The following CACNA1B variants were observed in gnomAD, a reference collection of about 807,000 sequenced individuals.
CACNA1B encodes the protein calcium voltage-gated channel subunit alpha1 B.
A neutral mutation model predicts 247.2 loss-of-function variants in CACNA1B; 70 were observed. The ratio of observed to expected loss-of-function variants is 0.28; its 90% CI spans 0.23 to 0.35. CACNA1B has a LOEUF of 0.35. CACNA1B is among the 10% of genes least tolerant of loss of function. The pLI is 1.00. For missense variants in CACNA1B, 2,367 were observed against 3,197.4 expected, an observed-to-expected ratio of 0.74 and a Z score of 6.26; for synonymous variants, 1,231 against 1,294.4, an observed-to-expected ratio of 0.95 and a Z score of 1.05.
At chr9:137,906,827 C>T (rs1957305486) in intron 3 of CACNA1B, among the ~76,000 whole-genome samples, 1 of 152,134 alleles carries the variant, frequency 6.6e-6, no homozygotes, top group African/African-American at 2.4e-5. Context: ...ATATGTGTTC[C>T]CCTGCATGCC....
chr9:137,939,677 C>T (rs1957708965), intron 6 of CACNA1B, among the ~76,000 whole-genome samples: 2 of 151,788 alleles, frequency 1.3e-5, no homozygotes, highest in Non-Finnish European at 1.5e-5. Flanking sequence ...GTGGCAGGCA[C>T]CTGTAGTCCC....
chr9:137,981,456 T>C (rs1402080326), intron 12 of CACNA1B, among the ~76,000 whole-genome samples: 2 of 152,172 alleles, frequency 1.3e-5, no homozygotes, highest in African/African-American at 2.4e-5. Context: ...TTGAGGTTGA[T>C]CCCCTGGTTG....
intron 18 of CACNA1B, among the ~76,000 whole-genome samples, chr9:138,016,791 A>C (rs1958798576): frequency 6.6e-6 from 1 of 152,128 alleles, no homozygotes; most frequent in South Asian, 2.1e-4. Flanking sequence ...GCTGTTTGGA[A>C]CTGCAGGAAA....
chr9:138,041,556 G>A (rs1020396083), intron 20 of CACNA1B, among the ~76,000 whole-genome samples: 5 of 151,728 alleles, frequency 3.3e-5, no homozygotes, highest in African/African-American at 7.3e-5. Context: ...TATCCTTTCC[G>A]TTCTTTCTTC....
Position 138,052,265 on chromosome 9 carries a change from T to A in CACNA1B, c.3807+77T>A. ...GTGTGTGTGCGTGTGTGTGTGTGTA[T>A]GCATGCAGTGCATGAGTGTGTGTGT... On this transcript the variant is annotated intron_variant, in intron 25 of 46. Coordinates refer to ENST00000371372, the MANE Select transcript of CACNA1B (RefSeq NM_000718.4). This position sits in a 1 kb window ranked among gnomAD's most constrained non-coding sequence, Gnocchi z 5.1. 1 of 769,942 alleles carries A rather than the reference T, an allele frequency of 1.3e-6. No homozygotes were observed. The highest frequency in any genetic ancestry group is 2.2e-6 in the Non-Finnish European group (1 of 449,866). The allele number at this position is 769,942 out of a possible 1,614,324, so 47.7% of individuals were successfully genotyped here.
intron 3 of CACNA1B, among the ~76,000 whole-genome samples, chr9:137,902,934 A>T (rs775668310): frequency 2.6e-5 from 4 of 152,022 alleles, no homozygotes; most frequent in Non-Finnish European, 5.9e-5. Context: ...TTGTGGGCAG[A>T]ACTCTGTCAG....
Position 138,046,925 on chromosome 9 carries a change from C to T in CACNA1B, c.3435C>T (p.Tyr1145=), listed in dbSNP as rs776690373. 5 of 1,613,672 alleles carry T rather than the reference C, an allele frequency of 3.1e-6. No individual in the cohort carries two copies. The highest frequency in any genetic ancestry group is 4.2e-6 in the Non-Finnish European group (5 of 1,179,598). Residue 1145 remains tyrosine, a synonymous_variant, in exon 22 of 47, where the codon TAC becomes TAT. Coordinates refer to ENST00000371372, the MANE Select transcript of CACNA1B (RefSeq NM_000718.4). Reference sequence around the variant, plus strand: ...ACAGGCTCCGCCGCTTCTGCCACTACATCGTGACCATGAGGTACTTCGAGG... The same window carrying T: ...ACAGGCTCCGCCGCTTCTGCCACTATATCGTGACCATGAGGTACTTCGAGG... ...PTNLLRRFCH[Y]IVTMRYFEVV...
chr9:137,945,374 C>T (rs1282788611), intron 6 of CACNA1B, among the ~76,000 whole-genome samples: 3 of 152,148 alleles, frequency 2.0e-5, no homozygotes, highest in African/African-American at 7.2e-5. Context: ...TCTGGAAAAA[C>T]TCTGGGTCTT....
In CACNA1B at chr9:138,023,380, C is replaced by T. The variant is rs533110359; in HGVS notation, c.2637C>T (p.Pro879=). ...CCCCGAAGGCGGAGAGCGGGGAGCC[C>T]GGTGCCCGGGAGGAGCGGCCGCGGC... ...AEAPKAESGE[P]GAREERPRPH... Residue 879 remains proline, a synonymous_variant, in exon 19 of 47, where the codon CCC becomes CCT. Transcript: ENST00000371372. The T allele has an allele frequency of 2.5e-5, 32 of 1,305,650 alleles. No homozygotes were observed. The highest frequency in any genetic ancestry group is 2.4e-4 in the South Asian group (14 of 59,572). The allele number at this position is 1,305,650 out of a possible 1,614,324, so 80.9% of individuals were successfully genotyped here.
intron 15 of CACNA1B, among the ~76,000 whole-genome samples, chr9:137,994,387 G>A (rs1320935293): frequency 6.6e-6 from 1 of 152,164 alleles, no homozygotes; most frequent in Non-Finnish European, 1.5e-5. Flanking sequence ...CATCCAAATC[G>A]GTAAAGAGGA....
intron 36 of CACNA1B, among the ~76,000 whole-genome samples, chr9:138,087,536 G>A (rs1225168191): frequency 7.0e-6 from 1 of 143,486 alleles, no homozygotes; most frequent in African/African-American, 2.7e-5. Flanking sequence ...CCAACATGGT[G>A]AAACCCCGTC....
Position 138,047,467 on chromosome 9 carries a change from T to C in CACNA1B, c.3603+9T>C, listed in dbSNP as rs778125663. 19 of 1,603,076 alleles carry C rather than the reference T, an allele frequency of 1.2e-5. No individual in the cohort carries two copies. The South Asian group carries it at 1.5e-4, about 13-fold the overall frequency. The stretch of plus-strand genomic sequence containing the variant: ...TTGAGATGGTGATAAAGGTGAGATA[T>C]GTGGCTGCCCTTGTGACCCCAGTGT... On this transcript the variant is annotated intron_variant, in intron 23 of 46. Transcript: ENST00000371372.
At chr9:138,093,523 T>C (rs907610755) in intron 36 of CACNA1B, among the ~76,000 whole-genome samples, 14 of 151,576 alleles carry the variant, frequency 9.2e-5, no homozygotes, top group African/African-American at 3.2e-4. Flanking sequence ...GGCAGATCAG[T>C]TGAGGCCAGG....
intron 21 of CACNA1B, among the ~76,000 whole-genome samples, chr9:138,045,097 A>G (rs1353771674): frequency 6.6e-6 from 1 of 152,198 alleles, no homozygotes; most frequent in Non-Finnish European, 1.5e-5. Flanking sequence ...AATAAGAGTT[A>G]AGGTGAAGAG....
rs554932096 is a variant in CACNA1B at position 138,073,063 on chromosome 9, C to T, written c.4675-425C>T. On this transcript the variant is annotated intron_variant, in intron 32 of 46. Coordinates refer to ENST00000371372, the MANE Select transcript of CACNA1B (RefSeq NM_000718.4). This position sits in a 1 kb window ranked among gnomAD's most constrained non-coding sequence, Gnocchi z 6.4. ...GTGAAGCCTGGGCGGGGGTCCCTTC[C>T]GGGGTGCTGGGTGGAGAAGCAGTCA... Among the ~76,000 whole-genome samples, 48 of 152,288 alleles carry T rather than the reference C, an allele frequency of 3.2e-4. No individual in the cohort carries two copies. The highest frequency in any genetic ancestry group is 9.1e-4 in the African/African-American group (38 of 41,574).
chr9:138,014,790 C>T lies in CACNA1B; in HGVS notation c.2267+1555C>T, dbSNP rs532222213. Among the ~76,000 whole-genome samples the T allele has an allele frequency of 3.4e-4, 51 of 152,112 alleles. No individual in the cohort carries two copies. The highest frequency in any genetic ancestry group is 1.2e-3 in the African/African-American group (48 of 41,508). Reference sequence around the variant, plus strand: ...CTGCTGCCTGCCGGCCCTGCCTCCTCCTGGGGGTATGGGAGGGTGTCCACT... The same window carrying T: ...CTGCTGCCTGCCGGCCCTGCCTCCTTCTGGGGGTATGGGAGGGTGTCCACT... On this transcript the variant is annotated intron_variant, in intron 18 of 46. Coordinates refer to ENST00000371372, the MANE Select transcript of CACNA1B (RefSeq NM_000718.4). The surrounding 1 kb of genome is among the most constrained non-coding windows in gnomAD (Gnocchi z 6.2).
intron 20 of CACNA1B, among the ~76,000 whole-genome samples, chr9:138,033,539 T>G (rs1158091550): frequency 6.6e-6 from 1 of 152,206 alleles, no homozygotes; most frequent in Non-Finnish European, 1.5e-5. Context: ...TTGTCTACTG[T>G]GATGCCACGC....
chr9:137,981,901 G>A (rs1958297595), intron 12 of CACNA1B, among the ~76,000 whole-genome samples: 1 of 152,162 alleles, frequency 6.6e-6, no homozygotes, highest in Non-Finnish European at 1.5e-5. Context: ...ACCCTGATGT[G>A]CAGCATGCTT....
At chr9:138,049,566 C>A (rs1326066891) in intron 24 of CACNA1B, among the ~76,000 whole-genome samples, 2 of 152,130 alleles carry the variant, frequency 1.3e-5, no homozygotes, top group Non-Finnish European at 2.9e-5. Context: ...ACCATCCCCG[C>A]CTGCCTGGAG....
Sources: allele counts gnomAD v4.1 joint callset (sites outside exome capture counted in the v4.1 genomes callset), GRCh38; gene constraint gnomAD v4.1.1; non-coding constraint Gnocchi (gnomAD v3.1); transcripts MANE v1.5; gene names NCBI Gene and HGNC (gene_info 2026-07-23, HGNC 2026-07-21).